Variants in P4HA2 observed in about 807,000 individuals in gnomAD.
The protein encoded by P4HA2 is prolyl 4-hydroxylase subunit alpha-2.
A neutral mutation model predicts 76.9 loss-of-function variants in P4HA2; 46 were observed. The observed-to-expected ratio is 0.60, with a 90% CI of 0.47 to 0.76. The LOEUF is 0.76. P4HA2 is among the 30% of genes least tolerant of loss of function. P4HA2 has a pLI of 0.00. For missense variants in P4HA2, 583 were observed against 669.4 expected, an observed-to-expected ratio of 0.87 and a Z score of 1.42; for synonymous variants, 243 against 254.0, an observed-to-expected ratio of 0.96 and a Z score of 0.41.
Position 132,195,409 on chromosome 5 carries a change from T to C in P4HA2, c.1434+3A>G. On this transcript the variant is annotated splice_donor_region_variant and intron_variant, in intron 13 of 14. Coordinates refer to ENST00000360568, the MANE Select transcript of P4HA2 (RefSeq NM_001017974.2). ...CCTCTGACCCACAAGAATCAGAACT[T>C]ACCTTCTTAGGCCAAATTGCAGCCC... 1 of 1,607,380 alleles carries C rather than the reference T, an allele frequency of 6.2e-7. No homozygotes were observed.
intron 4 of P4HA2, among the ~76,000 whole-genome samples, chr5:132,215,850 TAAAA>T (rs539378974): frequency 0.25 from 20,232 of 81,840 alleles, 2,659 homozygotes; most frequent in African/African-American, 0.37. Flanking sequence ...CCTGTCCCTT[TAAAA>T]AAAAAAAAAA....
intron 14 of P4HA2, among the ~76,000 whole-genome samples, chr5:132,194,581 T>C (rs1750332932): frequency 6.6e-6 from 1 of 151,370 alleles, no homozygotes; most frequent in African/African-American, 2.4e-5. Flanking sequence ...ATATGGGCCT[T>C]GTTTGCCTGA....
chr5:132,195,318 C>T (rs1750472738), intron 13 of P4HA2, 94 bp downstream of exon 13: 1 of 943,262 alleles, frequency 1.1e-6, no homozygotes, highest in Non-Finnish European at 1.7e-6. Context: ...ATCACAGTGA[C>T]AATCAGGCAG....
chr5:132,198,137 G>A (rs1405024958), intron 12 of P4HA2, 184 bp downstream of exon 12: 1 of 1,605,096 alleles, frequency 6.2e-7, no homozygotes, highest in Non-Finnish European at 8.5e-7. Flanking sequence ...GCCCTGATGG[G>A]GGTGGGATAT....
intron 6 of P4HA2, among the ~76,000 whole-genome samples, chr5:132,209,553 C>T (rs1348039560): frequency 2.6e-5 from 4 of 152,068 alleles, no homozygotes; most frequent in South Asian, 4.1e-4. Flanking sequence ...GAGGCCGAGG[C>T]GGGTGGATCA....
Position 132,190,789 on chromosome 5 carries a change from G to C in P4HA2, c.*2221C>G, listed in dbSNP as rs1270376611. Among the ~76,000 whole-genome samples the C allele has an allele frequency of 2.0e-5, 3 of 152,120 alleles. No individual in the cohort carries two copies. Among genetic ancestry groups the C allele is most frequent in the Non-Finnish European group, 4.4e-5 (3 of 68,014 alleles). ...TAAAATAGTGAAAAGACAAGCCACA[G>C]AAGATATTTGCAAAATATATAACAA... On this transcript the variant is annotated 3_prime_UTR_variant, in exon 15 of 15. Coordinates refer to ENST00000360568, the MANE Select transcript of P4HA2 (RefSeq NM_001017974.2).
intron 8 of P4HA2, among the ~76,000 whole-genome samples, chr5:132,206,216 C>T (rs943311220): frequency 2.6e-5 from 4 of 152,142 alleles, no homozygotes; most frequent in African/African-American, 4.8e-5. Context: ...AACTGAAGAA[C>T]GGGTAAGAAA....
Position 132,210,327 on chromosome 5 carries a change from A to T in P4HA2, c.666T>A (p.Asp222Glu). 1 of 1,614,068 alleles carries T rather than the reference A, an allele frequency of 6.2e-7. No homozygotes were observed. Among genetic ancestry groups the T allele is most frequent in the Non-Finnish European group, 8.5e-7 (1 of 1,180,006 alleles). The change falls in exon 6 of 15, where the codon GAT becomes GAA. Residue 222 changes from aspartate (D) to glutamate (E), a missense_variant. Coordinates refer to ENST00000360568, the MANE Select transcript of P4HA2 (RefSeq NM_001017974.2). ...GGGTGAGCTCCAGGGCACGGTGCAG[A>T]TCACCCAACTGGAAGACAGCATAGC... Reference protein sequence around the residue: ...YLSYAVFQLGDLHRALELTRR... With the variant: ...YLSYAVFQLGELHRALELTRR...
At position 132,194,983 on chromosome 5, in the gene P4HA2, C is replaced by A. The variant is rs1422645168; in HGVS notation, c.1474G>T (p.Glu492Ter). Reference sequence around the variant, plus strand: ...GCATGTCTTGTTCGGTAGTCACCTTCCCCGCTCCGCAAGAGGTTGTACCAG... The same window carrying A: ...GCATGTCTTGTTCGGTAGTCACCTTACCCGCTCCGCAAGAGGTTGTACCAG... Reference protein sequence around the residue: ...VFWYNLLRSGEGDYRTRHAAC... With the variant: ...VFWYNLLRSG The change falls in exon 14 of 15, where the codon GAA becomes TAA. Residue 492 changes from glutamate to a stop codon, truncating the protein, a stop_gained. Transcript: ENST00000360568. LOFTEE classifies it high-confidence loss of function. 6.2e-6 allele frequency: 10 copies of A among 1,613,604 alleles called. No homozygotes were observed. The African/African-American group carries it at 8.0e-5, about 13-fold the overall frequency.
chr5:132,220,695 C>T (rs1346239322), intron 1 of P4HA2, among the ~76,000 whole-genome samples: 24 of 152,216 alleles, frequency 1.6e-4, no homozygotes, highest in Non-Finnish European at 7.3e-5. Flanking sequence ...CTGGAATGTG[C>T]GATCTGGCTT....
rs1751092490 is a variant in P4HA2, at chr5:132,198,911, C to A, written c.1273G>T (p.Gly425Ter). 6.2e-7 allele frequency: 1 copy of A among 1,612,690 alleles called. No homozygotes were observed. The highest frequency in any genetic ancestry group is 8.5e-7 in the Non-Finnish European group (1 of 1,178,706). Residue 425 changes from glycine to a stop codon, truncating the protein, a stop_gained, in exon 11 of 15, where the codon GGA (glycine) becomes TGA (stop). Coordinates refer to ENST00000360568, the MANE Select transcript of P4HA2 (RefSeq NM_001017974.2). LOFTEE classifies it high-confidence loss of function. ...LLQVANYGVG[G>*]QYEPHFDFSR... ...AAGTCGAAGTGCGGTTCATACTGTC[C>A]TCCCACTCCATAATTTGCAACCTGT...
At chr5:132,194,852 C>G (rs1044708467) in intron 14 of P4HA2, 74 bp downstream of exon 14, 160 of 1,044,560 alleles carry the variant, frequency 1.5e-4, no homozygotes, top group Non-Finnish European at 1.7e-5. Context: ...TGCCTCCCAG[C>G]TCAGAATCTA....
intron 1 of P4HA2, among the ~76,000 whole-genome samples, chr5:132,225,037 C>T (rs1046773604): frequency 7.2e-6 from 1 of 138,840 alleles, no homozygotes; most frequent in Non-Finnish European, 1.5e-5. Flanking sequence ...TTTCATTCTC[C>T]TCTGCTCTGA....
At chr5:132,213,027 AACAT>A (rs1293238749) in intron 5 of P4HA2, among the ~76,000 whole-genome samples, 1 of 152,178 alleles carries the variant, frequency 6.6e-6, no homozygotes, top group Non-Finnish European at 1.5e-5. Flanking sequence ...CAGCCCTCAA[AACAT>A]CTTCTTATAA....
At chr5:132,208,685 CTCAGAG>C (rs1752597109) in intron 7 of P4HA2, among the ~76,000 whole-genome samples, 7 of 151,890 alleles carry the variant, frequency 4.6e-5, no homozygotes. Flanking sequence ...ATGGAAAAGG[CTCAGAG>C]CCTGTCACAC....
chr5:132,203,336 C>T (rs1751770629), intron 10 of P4HA2: 1 of 172,772 alleles, frequency 5.8e-6, no homozygotes, highest in Admixed American at 5.5e-5. Context: ...TGTGGTTCAG[C>T]AGGAGAAAAC....
At chr5:132,214,721 G>C (rs1290946885) in intron 4 of P4HA2, among the ~76,000 whole-genome samples, 2 of 151,886 alleles carry the variant, frequency 1.3e-5, no homozygotes, top group Non-Finnish European at 2.9e-5. Context: ...AACCCAGCAA[G>C]GTCCGTCCCC....
At chr5:132,214,133 A>G (rs1753524973) in intron 4 of P4HA2, 80 bp from the exon 5 acceptor site, 3 of 1,432,668 alleles carry the variant, frequency 2.1e-6, no homozygotes, top group African/African-American at 1.4e-5. Context: ...GGCAGCCACA[A>G]AGAGGGTCTC....
intron 10 of P4HA2, chr5:132,200,802 G>A (rs1751385240): frequency 6.6e-6 from 1 of 152,212 alleles, no homozygotes; most frequent in African/African-American, 2.4e-5. Flanking sequence ...ACTTCCACTT[G>A]TTAAATGGAT....
Sources: allele counts gnomAD v4.1 joint callset (sites outside exome capture counted in the v4.1 genomes callset), GRCh38; gene constraint gnomAD v4.1.1; transcripts MANE v1.5; gene names NCBI Gene and HGNC (gene_info 2026-07-23, HGNC 2026-07-21).